KCNH2: variants seen among roughly 807,000 people sequenced by gnomAD.
The protein encoded by KCNH2 is potassium voltage-gated channel subfamily H member 2.
Under a neutral mutation model 95.9 loss-of-function variants are expected in KCNH2, and 35 were observed. The ratio of observed to expected loss-of-function variants is 0.37; its 90% confidence interval spans 0.28 to 0.48. The LOEUF (loss-of-function observed/expected upper bound fraction) is 0.48, where lower values mean the gene tolerates loss of function less well. KCNH2 is among the 20% of genes least tolerant of loss of function. The pLI, the probability that KCNH2 is intolerant of heterozygous loss-of-function variation, is 0.99. For synonymous variants in KCNH2, 786 were observed against 754.7 expected (o/e 1.04, Z -0.68); for missense variants, 1,274 against 1,702.9 (o/e 0.75, Z 4.43).
At position 150,957,174 on chromosome 7, in the gene KCNH2, C is replaced by T; in HGVS notation, c.1128+117G>A. The stretch of plus-strand genomic sequence containing the variant: ...CAACCCCAACCCTCAGGTCTGCCTC[C>T]CTCCAAGAGGCCCTCACTGGCTAGC... On this transcript the variant is annotated intron_variant, in intron 5 of 14. Coordinates refer to ENST00000262186, the MANE Select transcript of KCNH2 (RefSeq NM_000238.4). 7 of 839,384 alleles carry T rather than the reference C, an allele frequency of 8.3e-6. No homozygotes were observed. The South Asian group carries it at 8.7e-5, about 10-fold the overall frequency. 52.0% of individuals were successfully genotyped at this position (839,384 alleles called of 1,614,324 possible).
At chr7:150,955,502 A>G (rs1171229149) in intron 5 of KCNH2, 1 of 1,545,740 alleles carries the variant, frequency 6.5e-7, no homozygotes, top group Admixed American at 1.9e-5. Flanking sequence ...TGGGGCCGCC[A>G]TGGAGGACTT....
chr7:150,948,608 A>G (rs1417774001), intron 10 of KCNH2, 65 bp from the exon 11 acceptor site: 16 of 1,422,160 alleles, frequency 1.1e-5, no homozygotes, highest in Admixed American at 6.7e-5. Flanking sequence ...TCAGGCCCCA[A>G]GCTCCCTCCT....
At position 150,952,719 on chromosome 7, in the gene KCNH2, C is replaced by T. The variant is rs368109121; in HGVS notation, c.1263G>A (p.Thr421=). 22 of 1,613,994 alleles carry T rather than the reference C, an allele frequency of 1.4e-5. No homozygotes were observed. The South Asian group carries it at 1.5e-4, about 11-fold the overall frequency. ...CAGCCGAGTAGGGTGTGAAGACAGC[C>T]GTGTAGATGACCAGCAGCAGGATGA... The part of the protein sequence containing the change: ...DWLILLLVIY[T]AVFTPYSAAF... Residue 421 remains threonine, a synonymous_variant, in exon 6 of 15, where the codon ACG becomes ACA. Transcript: ENST00000262186. The surrounding 1 kb of genome is among the most constrained non-coding windows in gnomAD (Gnocchi z 7.3).
Position 150,950,912 on chromosome 7 carries a change from T to C in KCNH2, c.2145+9A>G. ...CTGCCACCCACTGGCCACGCTCTGG[T>C]GGCCTCACCGCGTTCATGTCGATGC... On this transcript the variant is annotated intron_variant, in intron 8 of 14. Coordinates refer to ENST00000262186, the MANE Select transcript of KCNH2 (RefSeq NM_000238.4). 6.2e-7 allele frequency: 1 copy of C among 1,613,764 alleles called. No homozygotes were observed. Among genetic ancestry groups the C allele is most frequent in the Non-Finnish European group, 8.5e-7 (1 of 1,179,884 alleles).
chr7:150,965,760 C>A (rs919663471), intron 2 of KCNH2, among the ~76,000 whole-genome samples: 4 of 152,226 alleles, frequency 2.6e-5, no homozygotes, highest in Non-Finnish European at 4.4e-5. Context: ...CGAGTCAGAG[C>A]CCTGAGGCCA....
chr7:150,977,069 C>A (rs1007530702), intron 1 of KCNH2, among the ~76,000 whole-genome samples: 1 of 152,146 alleles, frequency 6.6e-6, no homozygotes, highest in African/African-American at 2.4e-5. Context: ...TTTGCCTAAT[C>A]TGGGACCCTT....
chr7:150,955,980 G>A (rs1346569898), intron 5 of KCNH2: 17 of 366,158 alleles, frequency 4.6e-5, no homozygotes, highest in Admixed American at 3.3e-4. Flanking sequence ...GCCAGCAGCC[G>A]GGCCTGTCAC....
At chr7:150,960,865 G>GC (rs1336078576) in intron 2 of KCNH2, among the ~76,000 whole-genome samples, 61 of 35,294 alleles carry the variant, frequency 1.7e-3, no homozygotes, top group Admixed American at 2.6e-3. Context: ...CTGCCCCACC[G>GC]CCCCCCGCCC....
Position 150,946,805 on chromosome 7 carries a change from C to T in KCNH2, c.3330+72G>A. 1 of 1,422,274 alleles carries T rather than the reference C, an allele frequency of 7.0e-7. No individual in the cohort carries two copies. Among genetic ancestry groups the T allele is most frequent in the Non-Finnish European group, 9.7e-7 (1 of 1,030,264 alleles). The allele number at this position is 1,422,274 out of a possible 1,614,324, so 88.1% of individuals were successfully genotyped here. ...GCCACAGAGCCCAGCAGAAAGGCAG[C>T]AAAGCAGGTTTGGGCTGGAATCGGG... On this transcript the variant is annotated intron_variant, in intron 14 of 14. Transcript: ENST00000262186. The surrounding 1 kb of genome is among the most constrained non-coding windows in gnomAD (Gnocchi z 6.5).
chr7:150,970,061 TTC>T (rs775659981), intron 2 of KCNH2, among the ~76,000 whole-genome samples: 1 of 151,934 alleles, frequency 6.6e-6, no homozygotes, highest in Non-Finnish European at 1.5e-5. Context: ...GCTAAATACT[TTC>T]TGTCTCTATA....
At chr7:150,948,595 G>C (rs557248886) in intron 10 of KCNH2, 52 bp from the exon 11 acceptor site, 2 of 1,494,216 alleles carry the variant, frequency 1.3e-6, no homozygotes, top group South Asian at 2.3e-5. Flanking sequence ...TGCCCCACCG[G>C]GGTCAGGCCC....
chr7:150,948,611 TC>T, intron 10 of KCNH2, 68 bp from the exon 11 acceptor site: 1 of 1,411,390 alleles, frequency 7.1e-7, no homozygotes. Context: ...GGCCCCAAGC[TC>T]CCTCCTTAAC....
chr7:150,970,171 G>A (rs1801802563), intron 2 of KCNH2, among the ~76,000 whole-genome samples: 1 of 152,126 alleles, frequency 6.6e-6, no homozygotes, highest in Non-Finnish European at 1.5e-5. Flanking sequence ...ACGCTTCAGG[G>A]AAATACCAAC....
chr7:150,954,944 C>A (rs111760470), intron 5 of KCNH2, among the ~76,000 whole-genome samples: 1,961 of 152,364 alleles, frequency 0.013, 20 homozygotes, highest in Middle Eastern at 0.027. Context: ...CTCGACCCCC[C>A]AAAACAGCAC....
chr7:150,977,289 C>A (rs1802001345), intron 1 of KCNH2, among the ~76,000 whole-genome samples: 2 of 152,204 alleles, frequency 1.3e-5, no homozygotes, highest in Non-Finnish European at 1.5e-5. Flanking sequence ...CTCCCCACCG[C>A]CCATACAGGG....
intron 2 of KCNH2, among the ~76,000 whole-genome samples, chr7:150,964,645 C>T (rs1801653393): frequency 6.6e-6 from 1 of 152,326 alleles, no homozygotes; most frequent in South Asian, 2.1e-4. Context: ...GGTGCTGGGT[C>T]CCTGCAGGGA....
Position 150,945,558 on chromosome 7 carries a change from G to A in KCNH2, c.3331-44C>T. 2 of 1,550,078 alleles carry A rather than the reference G, an allele frequency of 1.3e-6. No individual in the cohort carries two copies. The highest frequency in any genetic ancestry group is 1.7e-6 in the Non-Finnish European group (2 of 1,145,072). On this transcript the variant is annotated intron_variant, in intron 14 of 14. Coordinates refer to ENST00000262186, the MANE Select transcript of KCNH2 (RefSeq NM_000238.4). This position sits in a 1 kb window ranked among gnomAD's most constrained non-coding sequence, Gnocchi z 5.6. ...ATGGGCAGGCGAAGAGGCCATGGAGGAGGAGGAAGGGGAGGGAAAGGGGCA... is the reference window on the plus strand; with the variant it reads ...ATGGGCAGGCGAAGAGGCCATGGAGAAGGAGGAAGGGGAGGGAAAGGGGCA...
intron 2 of KCNH2, among the ~76,000 whole-genome samples, chr7:150,960,857 GC>G (rs1203178382): frequency 7.6e-6 from 1 of 131,842 alleles, no homozygotes; most frequent in African/African-American, 2.9e-5. Flanking sequence ...GCCCCCTGCT[GC>G]CCCACCGCCC....
intron 1 of KCNH2, 23 bp downstream of exon 1, chr7:150,977,815 G>T: frequency 2.3e-5 from 5 of 222,048 alleles, no homozygotes; most frequent in Non-Finnish European, 3.6e-5. Context: ...CCCCCTCCCC[G>T]CTCAGCCCCC....
Sources: allele counts gnomAD v4.1 joint callset (sites outside exome capture counted in the v4.1 genomes callset), GRCh38; gene constraint gnomAD v4.1.1; non-coding constraint Gnocchi (gnomAD v3.1); transcripts MANE v1.5; gene names NCBI Gene and HGNC (gene_info 2026-07-23, HGNC 2026-07-21).